SMARCC1: variants seen among roughly 807,000 people sequenced by gnomAD.
The protein encoded by SMARCC1 is SWI/SNF related BAF chromatin remodeling complex subunit C1.
Under a neutral mutation model 147.4 loss-of-function variants are expected in SMARCC1, and 43 were observed. The ratio of observed to expected loss-of-function variants is 0.29; its 90% CI spans 0.23 to 0.38. The LOEUF is 0.38. Among genes scored for constraint, SMARCC1 ranks in the 10% least tolerant of loss-of-function variants. The probability of loss-of-function intolerance (pLI) is 1.00; values close to 1 mark genes in which losing one functional copy is unlikely to be tolerated. For missense variants in SMARCC1, 1,119 were observed against 1,381.1 expected (o/e 0.81, Z 3.01); for synonymous variants, 495 against 484.4 (o/e 1.02, Z -0.29).
chr3:47,743,568 T>C (rs1195451750), intron 3 of SMARCC1, among the ~76,000 whole-genome samples: 1 of 151,862 alleles, frequency 6.6e-6, no homozygotes, highest in Admixed American at 6.6e-5. Flanking sequence ...AATCCCAGCA[T>C]TTTGGGAGGC....
chr3:47,601,909 A>T (rs2032392947), intron 26 of SMARCC1: 1 of 152,280 alleles, frequency 6.6e-6, no homozygotes, highest in South Asian at 2.1e-4. Context: ...CATGTTGCCC[A>T]GGCTGGTCTT....
At chr3:47,677,924 G>C (rs960936889) in intron 16 of SMARCC1, among the ~76,000 whole-genome samples, 1 of 152,082 alleles carries the variant, frequency 6.6e-6, no homozygotes, top group Non-Finnish European at 1.5e-5. Context: ...GCGGAGGCAG[G>C]AGAATCGCTT....
At chr3:47,692,114 G>A (rs2106776321) in intron 12 of SMARCC1, among the ~76,000 whole-genome samples, 1 of 152,194 alleles carries the variant, frequency 6.6e-6, no homozygotes, top group South Asian at 2.1e-4. Context: ...TTAAAGTTCC[G>A]TAAAGTCAAA....
At chr3:47,738,621 T>C (rs1335135416) in intron 3 of SMARCC1, among the ~76,000 whole-genome samples, 2 of 151,708 alleles carry the variant, frequency 1.3e-5, no homozygotes, top group African/African-American at 4.8e-5. Flanking sequence ...GAGGCGGAGG[T>C]TGCAGTGAGC....
intron 21 of SMARCC1, among the ~76,000 whole-genome samples, chr3:47,642,485 G>A (rs1466228584): frequency 2.6e-5 from 4 of 151,978 alleles, no homozygotes; most frequent in Non-Finnish European, 2.9e-5. Context: ...AGCTACTCAG[G>A]AGGCTGAGGC....
intron 26 of SMARCC1, among the ~76,000 whole-genome samples, chr3:47,599,017 C>A (rs1454844164): frequency 1.3e-5 from 2 of 152,054 alleles, no homozygotes; most frequent in African/African-American, 4.8e-5. Flanking sequence ...TCCCTATATA[C>A]CTTGGAAGGA....
chr3:47,657,058 A>C (rs2033272043), intron 21 of SMARCC1, among the ~76,000 whole-genome samples: 1 of 152,248 alleles, frequency 6.6e-6, no homozygotes. Context: ...TAAAAGGTTC[A>C]ATACATCAAA....
At chr3:47,646,434 TAA>T (rs2033122154) in intron 21 of SMARCC1, among the ~76,000 whole-genome samples, 1 of 152,166 alleles carries the variant, frequency 6.6e-6, no homozygotes, top group African/African-American at 2.4e-5. Flanking sequence ...TCTGCAGCGT[TAA>T]AAGAGGATTA....
chr3:47,690,037 T>C (rs1393059230), intron 12 of SMARCC1, among the ~76,000 whole-genome samples: 1 of 152,142 alleles, frequency 6.6e-6, no homozygotes, highest in Non-Finnish European at 1.5e-5. Flanking sequence ...CCGCTGGCAC[T>C]AGGTAAGGCA....
chr3:47,759,553 G>A (rs1307045), intron 2 of SMARCC1, among the ~76,000 whole-genome samples: 8 of 104,208 alleles, frequency 7.7e-5, no homozygotes, highest in South Asian at 3.2e-4. Context: ...CCCGGGAGGC[G>A]GAGATTGCAG....
intron 13 of SMARCC1, among the ~76,000 whole-genome samples, chr3:47,688,185 G>T (rs1333495266): frequency 6.6e-6 from 1 of 152,160 alleles, no homozygotes; most frequent in African/African-American, 2.4e-5. Context: ...GCTAGAACCC[G>T]GGAGGCGGAG....
intron 14 of SMARCC1, 81 bp downstream of exon 14, chr3:47,685,968 G>T: frequency 1.8e-6 from 2 of 1,122,040 alleles, no homozygotes; most frequent in Non-Finnish European, 2.6e-6. Flanking sequence ...AAGGAACATG[G>T]GCAGAAAGGC....
chr3:47,662,243 C>CACAGGTAATATCTGATTTTGTT (rs1229901728), intron 20 of SMARCC1, 91 bp downstream of exon 20: 2 of 1,084,792 alleles, frequency 1.8e-6, no homozygotes, highest in Non-Finnish European at 2.7e-6. Context: ...TTGTTATTTA[C>CACAGGTAATATCTGATTTTGTT]ATTAAAAGAA....
At chr3:47,735,270 C>T (rs1295026119) in intron 5 of SMARCC1, among the ~76,000 whole-genome samples, 1 of 151,980 alleles carries the variant, frequency 6.6e-6, no homozygotes, top group Non-Finnish European at 1.5e-5. Context: ...ATAAGACTAA[C>T]GACTCCATAG....
intron 24 of SMARCC1, among the ~76,000 whole-genome samples, chr3:47,626,504 GA>G (rs1405516357): frequency 4.7e-5 from 7 of 147,820 alleles, no homozygotes; most frequent in Non-Finnish European, 7.5e-5. Flanking sequence ...AAAGGAAAAA[GA>G]AAAAAGAGAC....
intron 1 of SMARCC1, among the ~76,000 whole-genome samples, chr3:47,774,419 CTTTT>C (rs1305389803): frequency 6.6e-6 from 1 of 151,544 alleles, no homozygotes; most frequent in Non-Finnish European, 1.5e-5. Context: ...ATTTTAAAAA[CTTTT>C]TTTGTGTGTG....
chr3:47,740,178 C>CCTT (rs2034492672), intron 3 of SMARCC1, among the ~76,000 whole-genome samples: 1 of 35,708 alleles, frequency 2.8e-5, no homozygotes. Flanking sequence ...GCCCGGCCAT[C>CCTT]TTTTTTTTTT....
intron 2 of SMARCC1, chr3:47,746,249 G>A (rs2034562715): frequency 6.4e-6 from 2 of 310,708 alleles, no homozygotes; most frequent in African/African-American, 2.2e-5. Flanking sequence ...AGGAGTTCAA[G>A]ACCAGTCTGG....
intron 5 of SMARCC1, among the ~76,000 whole-genome samples, chr3:47,730,984 A>C (rs2034367158): frequency 2.0e-5 from 3 of 152,110 alleles, no homozygotes; most frequent in Non-Finnish European, 2.9e-5. Flanking sequence ...GTGGTTGCTG[A>C]AGGTTAAGGT....
Sources: gnomAD v4.1 joint callset for allele counts (sites outside exome capture counted in the v4.1 genomes callset) on GRCh38, gnomAD v4.1.1 for gene constraint, MANE v1.5 for transcripts, NCBI Gene and HGNC (gene_info 2026-07-23, HGNC 2026-07-21) for gene names.